LRP1B: variants seen among roughly 807,000 people sequenced by gnomAD.
LRP1B encodes the protein low-density lipoprotein receptor-related protein 1B.
A neutral mutation model predicts 556.6 loss-of-function variants in LRP1B; 217 were observed. The observed-to-expected ratio is 0.39, with a 90% CI of 0.35 to 0.44. LRP1B has a LOEUF of 0.44. LRP1B is among the 20% of genes least tolerant of loss of function. The pLI is 1.00. For missense variants in LRP1B, 5,053 were observed against 5,620.8 expected, an observed-to-expected ratio of 0.90 and a Z score of 3.23; for synonymous variants, 2,047 against 1,865.8, an observed-to-expected ratio of 1.10 and a Z score of -2.50.
chr2:141,106,070 C>A (rs151075015), intron 7 of LRP1B, among the ~76,000 whole-genome samples: 1 of 152,196 alleles, frequency 6.6e-6, no homozygotes, highest in East Asian at 1.9e-4. Flanking sequence ...GGGTATTTCA[C>A]CACTTTTAAA....
chr2:140,606,958 C>T (rs567217482), intron 41 of LRP1B, among the ~76,000 whole-genome samples: 55 of 151,984 alleles, frequency 3.6e-4, no homozygotes, highest in South Asian at 2.9e-3. Context: ...TGTTAGATCT[C>T]ATCAAAATGA....
intron 2 of LRP1B, among the ~76,000 whole-genome samples, chr2:141,642,932 G>A (rs1390837048): frequency 1.3e-5 from 2 of 152,032 alleles, no homozygotes; most frequent in Non-Finnish European, 2.9e-5. Flanking sequence ...GAAAGCACTG[G>A]TTGCCAATAC....
At chr2:140,722,999 C>T (rs1014270386) in intron 35 of LRP1B, among the ~76,000 whole-genome samples, 4 of 152,010 alleles carry the variant, frequency 2.6e-5, no homozygotes, top group African/African-American at 7.2e-5. Flanking sequence ...GCCGAGATCG[C>T]GCCACTGCAC....
At chr2:141,244,935 A>T (rs1479804231) in intron 5 of LRP1B, among the ~76,000 whole-genome samples, 1 of 152,152 alleles carries the variant, frequency 6.6e-6, no homozygotes, top group Non-Finnish European at 1.5e-5. Flanking sequence ...GTATTCCATT[A>T]TCAATTCTAG....
At chr2:141,873,714 G>C (rs1479212761) in intron 1 of LRP1B, among the ~76,000 whole-genome samples, 2 of 151,214 alleles carry the variant, frequency 1.3e-5, no homozygotes, top group African/African-American at 4.9e-5. Flanking sequence ...GTCTGGAGTA[G>C]AAAAAGTACA....
chr2:142,087,698 C>T (rs1705999643), intron 1 of LRP1B, among the ~76,000 whole-genome samples: 1 of 151,880 alleles, frequency 6.6e-6, no homozygotes, highest in Non-Finnish European at 1.5e-5. Flanking sequence ...CAAGGAACCA[C>T]AGAGAAAGAT....
chr2:140,508,465 T>C (rs1002532331), intron 52 of LRP1B, among the ~76,000 whole-genome samples: 1 of 152,194 alleles, frequency 6.6e-6, no homozygotes, highest in African/African-American at 2.4e-5. Flanking sequence ...TCAGAAATTA[T>C]TGACATAGTG....
At chr2:140,839,328 G>C (rs191916677) in intron 31 of LRP1B, among the ~76,000 whole-genome samples, 394 of 152,318 alleles carry the variant, frequency 2.6e-3, no homozygotes, top group Non-Finnish European at 4.6e-3. Context: ...GTGTCAACTT[G>C]TTTGGATTGC....
chr2:141,850,618 A>T (rs1697816679), intron 1 of LRP1B, among the ~76,000 whole-genome samples: 2 of 98,112 alleles, frequency 2.0e-5, no homozygotes, highest in South Asian at 3.1e-4. Context: ...CCCTAGCATA[A>T]ACTCTGTGTG....
chr2:140,696,995 G>A (rs1341882930), intron 41 of LRP1B, among the ~76,000 whole-genome samples: 1 of 151,940 alleles, frequency 6.6e-6, no homozygotes, highest in Admixed American at 6.6e-5. Flanking sequence ...AAAATGTATG[G>A]GTTGATTTTC....
rs12475549 is a variant in LRP1B, at chr2:141,783,331, T to G, written c.205+26948A>C. Among the ~76,000 whole-genome samples, 385 of 152,074 alleles carry G rather than the reference T, an allele frequency of 2.5e-3. 2 individuals carry two copies. The highest frequency in any genetic ancestry group is 0.014 in the Middle Eastern group (4 of 294). On this transcript the variant is annotated intron_variant, in intron 2 of 90. Coordinates refer to ENST00000389484, the MANE Select transcript of LRP1B (RefSeq NM_018557.3). ...GGAGTTCATTTATGGGCTTGCTGGGTAGAACCAAGGTAAAAAGAAGAAATA... is the reference window on the plus strand; with the variant it reads ...GGAGTTCATTTATGGGCTTGCTGGGGAGAACCAAGGTAAAAAGAAGAAATA...
At chr2:140,648,058 G>A (rs1438519221) in intron 41 of LRP1B, among the ~76,000 whole-genome samples, 1 of 152,190 alleles carries the variant, frequency 6.6e-6, no homozygotes, top group Non-Finnish European at 1.5e-5. Flanking sequence ...ATCAGTGATA[G>A]ACTGGATTAA....
intron 1 of LRP1B, among the ~76,000 whole-genome samples, chr2:141,995,250 T>C (rs934549329): frequency 6.6e-6 from 1 of 152,126 alleles, no homozygotes; most frequent in African/African-American, 2.4e-5. Context: ...GCAGTGCTAG[T>C]TCCTCCTACG....
At chr2:141,134,207 C>T (rs980993028) in intron 7 of LRP1B, among the ~76,000 whole-genome samples, 76 of 151,726 alleles carry the variant, frequency 5.0e-4, no homozygotes, top group Non-Finnish European at 7.1e-4. Flanking sequence ...ACCTCTGTAT[C>T]GTATCTATTT....
intron 41 of LRP1B, among the ~76,000 whole-genome samples, chr2:140,695,402 C>T (rs1008806930): frequency 1.3e-5 from 2 of 152,064 alleles, no homozygotes; most frequent in African/African-American, 4.8e-5. Flanking sequence ...ATTGGCCTAA[C>T]AGTAGATGGC....
intron 3 of LRP1B, among the ~76,000 whole-genome samples, chr2:141,453,188 G>A (rs1222218462): frequency 6.6e-6 from 1 of 152,044 alleles, no homozygotes; most frequent in Non-Finnish European, 1.5e-5. Flanking sequence ...AGTGAGCTGA[G>A]ATTGCCCCAC....
At chr2:141,611,357 C>T (rs1179827063) in intron 2 of LRP1B, among the ~76,000 whole-genome samples, 2 of 152,136 alleles carry the variant, frequency 1.3e-5, no homozygotes, top group East Asian at 3.9e-4. Context: ...CAGTAATCAT[C>T]ATGAGAAAGG....
chr2:141,435,607 G>C (rs1426456196), intron 3 of LRP1B, among the ~76,000 whole-genome samples: 3 of 152,152 alleles, frequency 2.0e-5, no homozygotes, highest in Non-Finnish European at 4.4e-5. Flanking sequence ...GGTGCAGGAG[G>C]CAGGGATTTG....
rs79680541 is a variant in LRP1B, at chr2:140,798,050, G to T, written c.5359+15607C>A. Among the ~76,000 whole-genome samples the T allele has an allele frequency of 5.0e-3, 766 of 152,056 alleles. 3 individuals carry two copies. The highest frequency in any genetic ancestry group is 0.011 in the South Asian group (53 of 4,812). ...CCAACTCTACACTCCCTAATCATAT[G>T]CCCTGCTTGAATCTTCTCCATTAGT... On this transcript the variant is annotated intron_variant, in intron 32 of 90. Transcript: ENST00000389484.
Sources: gnomAD v4.1 joint callset for allele counts (sites outside exome capture counted in the v4.1 genomes callset) on GRCh38, gnomAD v4.1.1 for gene constraint, MANE v1.5 for transcripts, NCBI Gene and HGNC (gene_info 2026-07-23, HGNC 2026-07-21) for gene names.